The following PCDHGA6 variants were observed in gnomAD, a reference collection of about 807,000 sequenced individuals.
PCDHGA6 encodes protocadherin gamma subfamily A, 6.
In PCDHGA6, 41 loss-of-function variants were observed where a neutral mutation model predicts 60.6. The observed-to-expected ratio is 0.68, with a 90% CI of 0.53 to 0.88. The LOEUF (loss-of-function observed/expected upper bound fraction) is 0.88. Among genes scored for constraint, PCDHGA6 ranks in the 40% least tolerant of loss-of-function variants. The probability of loss-of-function intolerance (pLI) is 0.00; values close to 1 mark genes in which losing one functional copy is unlikely to be tolerated. For missense variants in PCDHGA6, 1,312 were observed against 1,203.0 expected (o/e 1.09, Z -1.34); for synonymous variants, 594 against 524.4 (o/e 1.13, Z -1.81).
intron 1 of PCDHGA6, chr5:141,392,496 T>C (rs1357893523): frequency 4.6e-6 from 1 of 215,562 alleles, no homozygotes; most frequent in Non-Finnish European, 9.1e-6. Context: ...AATAAGCAAA[T>C]GATTTTTTTT....
chr5:141,418,938 C>A, intron 1 of PCDHGA6: 3 of 1,613,738 alleles, frequency 1.9e-6, no homozygotes, highest in Non-Finnish European at 2.5e-6. Flanking sequence ...ATGGAGGATT[C>A]CCCTCCAGGA....
intron 1 of PCDHGA6, chr5:141,419,364 C>T (rs1360235541): frequency 1.1e-5 from 18 of 1,613,690 alleles, no homozygotes; most frequent in Non-Finnish European, 1.3e-5. Flanking sequence ...CGAACGCTGT[C>T]GTCCTACGTG....
chr5:141,393,917 C>T (rs1429211009), intron 1 of PCDHGA6: 12 of 1,613,806 alleles, frequency 7.4e-6, no homozygotes, highest in Non-Finnish European at 1.7e-6. Context: ...TAATTGCCTT[C>T]TTGAGTGTGC....
chr5:141,409,230 A>G, intron 1 of PCDHGA6: 1 of 1,614,024 alleles, frequency 6.2e-7, no homozygotes. Context: ...GAAAACGACA[A>G]CAGCCCAGAA....
rs762866893 is a variant in PCDHGA6 at position 141,389,080 on chromosome 5, C to G, written c.2424+12573C>G. ...AAAATATTAACTTCTTCAAGAAACA[C>G]GTATAAATTAGTGACAGATGCTGTT... On this transcript the variant is annotated intron_variant, in intron 1 of 3. Transcript: ENST00000517434. 7 of 1,613,984 alleles carry G rather than the reference C, an allele frequency of 4.3e-6. No individual in the cohort carries two copies. The South Asian group carries it at 5.5e-5, about 13-fold the overall frequency.
intron 1 of PCDHGA6, among the ~76,000 whole-genome samples, chr5:141,443,082 C>A (rs958408385): frequency 6.6e-6 from 1 of 151,624 alleles, no homozygotes; most frequent in African/African-American, 2.4e-5. Flanking sequence ...ACTGAGTGTT[C>A]CAGTCTCCTT....
intron 1 of PCDHGA6, among the ~76,000 whole-genome samples, chr5:141,466,594 C>G (rs557960608): frequency 6.6e-6 from 1 of 152,268 alleles, no homozygotes; most frequent in Admixed American, 6.5e-5. Flanking sequence ...TTAAAACAAG[C>G]TAGCTACTTG....
chr5:141,382,556 G>C (rs1286845940), intron 1 of PCDHGA6, among the ~76,000 whole-genome samples: 1 of 152,160 alleles, frequency 6.6e-6, no homozygotes, highest in Non-Finnish European at 1.5e-5. Flanking sequence ...GGGATATCTA[G>C]AGCAAAGAAA....
At chr5:141,462,036 G>T (rs760555655) in intron 1 of PCDHGA6, among the ~76,000 whole-genome samples, 6 of 151,978 alleles carry the variant, frequency 3.9e-5, no homozygotes, top group Non-Finnish European at 8.8e-5. Flanking sequence ...TTGGTCAGGC[G>T]GGTCTTGAAC....
At chr5:141,509,650 T>C (rs1484029268) in intron 3 of PCDHGA6, among the ~76,000 whole-genome samples, 1 of 152,188 alleles carries the variant, frequency 6.6e-6, no homozygotes, top group African/African-American at 2.4e-5. Context: ...GGCCAGAGTG[T>C]GGACTTCTCT....
chr5:141,403,120 C>T, intron 1 of PCDHGA6: 2 of 1,614,050 alleles, frequency 1.2e-6, no homozygotes, highest in Non-Finnish European at 1.7e-6. Flanking sequence ...CTCTGGAGCC[C>T]CGGGAGCTGG....
intron 1 of PCDHGA6, chr5:141,418,650 T>A (rs764145825): frequency 5.0e-6 from 8 of 1,613,898 alleles, no homozygotes; most frequent in South Asian, 2.2e-5. Flanking sequence ...ATCCTGAGAG[T>A]GAAGGCCACT....
chr5:141,508,647 C>T (rs1301017914), intron 3 of PCDHGA6, among the ~76,000 whole-genome samples: 4 of 152,090 alleles, frequency 2.6e-5, no homozygotes, highest in African/African-American at 9.7e-5. Flanking sequence ...CTCCGTCAGG[C>T]CCTTCCTGTC....
rs1771087502 is a variant in PCDHGA6 at position 141,375,055 on chromosome 5, G to T, written c.972G>T (p.Gly324=). 6.2e-7 allele frequency: 1 copy of T among 1,614,042 alleles called. No homozygotes were observed. Among genetic ancestry groups the T allele is most frequent in the Non-Finnish European group, 8.5e-7 (1 of 1,179,902 alleles). The change falls in exon 1 of 4, where the codon GGG becomes GGT. Residue 324 remains glycine (G), a synonymous_variant. Coordinates refer to ENST00000517434, the MANE Select transcript of PCDHGA6 (RefSeq NM_018919.3). The part of the protein sequence containing the change: ...FYELGVEARD[G]PGLRDRAKVL... ...AGCTGGGTGTTGAAGCCCGGGATGGGCCAGGTCTTCGAGACAGAGCGAAAG... is the reference window on the plus strand; with the variant it reads ...AGCTGGGTGTTGAAGCCCGGGATGGTCCAGGTCTTCGAGACAGAGCGAAAG...
At chr5:141,496,329 C>T (rs1435070517) in intron 2 of PCDHGA6, among the ~76,000 whole-genome samples, 2 of 152,186 alleles carry the variant, frequency 1.3e-5, no homozygotes, top group South Asian at 4.1e-4. Context: ...AGTTAGAAGT[C>T]AGGAGCCTGG....
chr5:141,396,911 T>C (rs756096789), intron 1 of PCDHGA6, among the ~76,000 whole-genome samples: 3 of 152,238 alleles, frequency 2.0e-5, no homozygotes, highest in Non-Finnish European at 4.4e-5. Context: ...CACTTTGCAA[T>C]TTTAAAAACT....
chr5:141,489,253 A>T lies in PCDHGA6; in HGVS notation c.2425-5554A>T. 1 of 1,547,506 alleles carries T rather than the reference A, an allele frequency of 6.5e-7. No individual in the cohort carries two copies. The highest frequency in any genetic ancestry group is 2.3e-5 in the East Asian group (1 of 44,418). ...GGACTTCTGGGTCATGGGGCCCAAG[A>T]CACTCCCACAGCTCGCTGGGAAATG... On this transcript the variant is annotated intron_variant, in intron 1 of 3. Coordinates refer to ENST00000517434, the MANE Select transcript of PCDHGA6 (RefSeq NM_018919.3). This position sits in a 1 kb window ranked among gnomAD's most constrained non-coding sequence, Gnocchi z 4.5.
chr5:141,374,470 T>C lies in PCDHGA6; in HGVS notation c.387T>C (p.Asn129=), dbSNP rs1171171112. 6.2e-7 allele frequency: 1 copy of C among 1,612,516 alleles called. No homozygotes were observed. Among genetic ancestry groups the C allele is most frequent in the Admixed American group, 1.7e-5 (1 of 59,982 alleles). ...TGGAAATAGTGGACATTAATGACAA[T>C]ACACCCCGATTCTTAAAGGAAGAAT... ...VEVEIVDIND[N]TPRFLKEELE... The change falls in exon 1 of 4, where the codon AAT becomes AAC. Residue 129 remains asparagine (N), a synonymous_variant. Transcript: ENST00000517434.
chr5:141,384,134 G>A (rs746106528), intron 1 of PCDHGA6: 1 of 1,611,962 alleles, frequency 6.2e-7, no homozygotes, highest in Admixed American at 1.7e-5. Flanking sequence ...AACTTGGACC[G>A]GGAAACACTC....
Sources: gnomAD v4.1 joint callset for allele counts (sites outside exome capture counted in the v4.1 genomes callset) on GRCh38, gnomAD v4.1.1 for gene constraint, Gnocchi (gnomAD v3.1) non-coding constraint, MANE v1.5 for transcripts, NCBI Gene and HGNC (gene_info 2026-07-23, HGNC 2026-07-21) for gene names.